The following ERICH1 variants were observed in gnomAD, a reference collection of about 807,000 sequenced individuals.
ERICH1 encodes glutamate-rich protein 1.
A neutral mutation model predicts 39.6 loss-of-function variants in ERICH1; 56 were observed. The ratio of observed to expected loss-of-function variants is 1.41; its 90% CI spans 1.14 to 1.77. The LOEUF (loss-of-function observed/expected upper bound fraction) is 1.77. Among genes scored for constraint, ERICH1 ranks in the 40% most tolerant of loss-of-function variants. ERICH1 has a pLI of 0.00. For synonymous variants in ERICH1, 313 were observed against 223.6 expected (o/e 1.40, Z -3.57); for missense variants, 826 against 575.4 (o/e 1.44, Z -4.45).
chr8:625,166 G>A (rs1054275580), intron 3 of ERICH1, among the ~76,000 whole-genome samples: 2 of 152,176 alleles, frequency 1.3e-5, no homozygotes, highest in African/African-American at 4.8e-5. Flanking sequence ...AGATTTGGGT[G>A]GGGACACGAA....
rs143584880 is a variant in ERICH1, at chr8:689,811, C to T, written c.304+2667G>A. On this transcript the variant is annotated intron_variant, in intron 3 of 5. Transcript: ENST00000262109. ...GACGTAAGCGGTATTTTGAGCACAA[C>T]GTGCTTATCCCAGCTGCCCAGAGGA... Among the ~76,000 whole-genome samples, 192 of 152,276 alleles carry T rather than the reference C, an allele frequency of 1.3e-3. 1 individual carries two copies. The highest frequency in any genetic ancestry group is 4.0e-3 in the African/African-American group (167 of 41,554).
Position 673,810 on chromosome 8 carries a change from G to C in ERICH1, c.542C>G (p.Ala181Gly). Residue 181 changes from alanine (A) to glycine (G), a missense_variant, in exon 4 of 6, where the codon GCA becomes GGA. By Grantham distance (60) the Ala-to-Gly change is moderately conservative (BLOSUM62 0). Coordinates refer to ENST00000262109, the MANE Select transcript of ERICH1 (RefSeq NM_207332.3). The stretch of plus-strand genomic sequence containing the variant: ...CATGAAACTGACACCAGCAGCCTTT[G>C]CTGCCAAGCCGGCTGCTTTCTTCCT... ...IKRKKAAGLA[A>G]KAAGVSFMYQ... 6.2e-7 allele frequency: 1 copy of C among 1,614,168 alleles called. No homozygotes were observed. Among genetic ancestry groups the C allele is most frequent in the African/African-American group, 1.3e-5 (1 of 75,068 alleles).
At chr8:717,981 G>C (rs1585645606) in intron 1 of ERICH1, among the ~76,000 whole-genome samples, 1 of 152,234 alleles carries the variant, frequency 6.6e-6, no homozygotes, top group Admixed American at 6.5e-5. Context: ...CAAGGCAGCT[G>C]ATCCCAAAGA....
intron 3 of ERICH1, among the ~76,000 whole-genome samples, chr8:623,860 T>A (rs141190533): frequency 3.7e-4 from 57 of 152,282 alleles, no homozygotes; most frequent in African/African-American, 1.3e-3. Flanking sequence ...CTCTTAGATA[T>A]GAACCAAAAG....
intron 3 of ERICH1, among the ~76,000 whole-genome samples, chr8:637,768 T>C (rs972894211): frequency 6.6e-6 from 1 of 152,172 alleles, no homozygotes; most frequent in Non-Finnish European, 1.5e-5. Context: ...CCACGGCTGC[T>C]CAGTTGGGGA....
At chr8:650,116 G>A (rs1008071601) in intron 3 of ERICH1, among the ~76,000 whole-genome samples, 1 of 152,202 alleles carries the variant, frequency 6.6e-6, no homozygotes, top group African/African-American at 2.4e-5. Context: ...CTCAGCGCTC[G>A]CTCCATGCCG....
chr8:616,492 G>C (rs1311632493), intron 3 of ERICH1: 1 of 455,824 alleles, frequency 2.2e-6, no homozygotes, highest in Non-Finnish European at 4.4e-6. Flanking sequence ...GGTACGGCCA[G>C]AGCACTGCTC....
intron 1 of ERICH1, among the ~76,000 whole-genome samples, chr8:724,976 C>T (rs769430852): frequency 1.3e-5 from 2 of 152,208 alleles, no homozygotes; most frequent in African/African-American, 2.4e-5. Context: ...CACGAAGGAC[C>T]ATGTGGTCCT....
At chr8:687,249 G>A (rs1473104963) in intron 3 of ERICH1, among the ~76,000 whole-genome samples, 1 of 152,198 alleles carries the variant, frequency 6.6e-6, no homozygotes, top group Non-Finnish European at 1.5e-5. Flanking sequence ...CAGAATCTGA[G>A]TCAATGCCTC....
intron 3 of ERICH1, chr8:641,080 T>C (rs1458986434): frequency 6.6e-6 from 1 of 152,148 alleles, no homozygotes; most frequent in African/African-American, 2.4e-5. Context: ...TCAGAGCCAC[T>C]CCCAGCTTCT....
In ERICH1 at chr8:692,549, T is replaced by C. The variant is rs145084158; in HGVS notation, c.233A>G (p.Tyr78Cys). 1.1e-4 allele frequency: 170 copies of C among 1,613,884 alleles called. No individual in the cohort carries two copies. The African/African-American group carries it at 2.1e-3, about 20-fold the overall frequency. ...GCTGGGCTCCGGCCAACAGGGGACG[T>C]AGCCCTCAGGAGGCCCGCTGGCAGT... Reference protein sequence around the residue: ...LYTASGPPEGYVPCWPEPSSC... With the variant: ...LYTASGPPEGCVPCWPEPSSC... Residue 78 changes from tyrosine (Y) to cysteine (C), a missense_variant, in exon 3 of 6, where the codon TAC becomes TGC. Tyr to Cys is a radical substitution (Grantham distance 194). Transcript: ENST00000262109.
chr8:687,475 C>T (rs1807693487), intron 3 of ERICH1, among the ~76,000 whole-genome samples: 1 of 152,220 alleles, frequency 6.6e-6, no homozygotes, highest in Non-Finnish European at 1.5e-5. Flanking sequence ...AAACGCTAAG[C>T]GTGTGGGTCC....
chr8:724,754 G>C (rs1293067428), intron 1 of ERICH1, among the ~76,000 whole-genome samples: 2 of 152,214 alleles, frequency 1.3e-5, no homozygotes, highest in Admixed American at 1.3e-4. Context: ...TCAGCCCAAA[G>C]AACTTGCAAC....
intron 3 of ERICH1, among the ~76,000 whole-genome samples, chr8:616,839 A>G (rs1016539803): frequency 1.4e-5 from 2 of 139,304 alleles, no homozygotes; most frequent in Non-Finnish European, 3.1e-5. Flanking sequence ...AGAGAGAAAG[A>G]GAGAGGGAGA....
chr8:650,712 T>C (rs1799839432), intron 3 of ERICH1, among the ~76,000 whole-genome samples: 1 of 152,086 alleles, frequency 6.6e-6, no homozygotes, highest in Non-Finnish European at 1.5e-5. Context: ...CTGAAGAGGG[T>C]GCAGCCACCC....
At chr8:718,669 C>T (rs986222049) in intron 1 of ERICH1, among the ~76,000 whole-genome samples, 1 of 152,254 alleles carries the variant, frequency 6.6e-6, no homozygotes, top group Admixed American at 6.5e-5. Context: ...ACAAGCTCCG[C>T]CTTCTGTAAC....
At chr8:724,678 A>G (rs1818162170) in intron 1 of ERICH1, among the ~76,000 whole-genome samples, 1 of 151,964 alleles carries the variant, frequency 6.6e-6, no homozygotes, top group African/African-American at 2.4e-5. Context: ...TACACCTTTT[A>G]CTCCAATATT....
chr8:691,776 TTAA>T (rs1808962049), intron 3 of ERICH1, among the ~76,000 whole-genome samples: 1 of 152,232 alleles, frequency 6.6e-6, no homozygotes, highest in African/African-American at 2.4e-5. Context: ...TTCAAATTAA[TTAA>T]TGTTTATAAT....
At chr8:709,127 T>G (rs1443658698) in intron 2 of ERICH1, among the ~76,000 whole-genome samples, 1 of 152,204 alleles carries the variant, frequency 6.6e-6, no homozygotes, top group African/African-American at 2.4e-5. Flanking sequence ...ATGGTAAATT[T>G]GAGGTTACCT....
Sources: allele counts gnomAD v4.1 joint callset (sites outside exome capture counted in the v4.1 genomes callset), GRCh38; gene constraint gnomAD v4.1.1; transcripts MANE v1.5; gene names NCBI Gene and HGNC (gene_info 2026-07-23, HGNC 2026-07-21).